NEGR1: variants seen among roughly 807,000 people sequenced by gnomAD.
The protein encoded by NEGR1 is neuronal growth regulator 1.
A neutral mutation model predicts 40.9 loss-of-function variants in NEGR1; 10 were observed. That is an observed-to-expected ratio of 0.24 (90% confidence interval 0.15 to 0.42). The LOEUF is 0.42. NEGR1 is among the 10% of genes least tolerant of loss of function. The probability of loss-of-function intolerance (pLI) is 1.00; values close to 1 mark genes in which losing one functional copy is unlikely to be tolerated. For synonymous variants in NEGR1, 185 were observed against 166.8 expected (o/e 1.11, Z -0.84); for missense variants, 352 against 438.9 (o/e 0.80, Z 1.77).
chr1:71,414,654 C>T (rs961143927), intron 6 of NEGR1, among the ~76,000 whole-genome samples: 2 of 152,158 alleles, frequency 1.3e-5, no homozygotes, highest in African/African-American at 2.4e-5. Context: ...TGTTGCACAG[C>T]GATTTCTAGG....
At chr1:72,204,164 C>T (rs1236093532) in intron 1 of NEGR1, among the ~76,000 whole-genome samples, 4 of 152,028 alleles carry the variant, frequency 2.6e-5, no homozygotes, top group African/African-American at 9.7e-5. Context: ...AACAAAGTTA[C>T]ACCGTGACAA....
chr1:71,822,813 A>G (rs1385785413), intron 2 of NEGR1, among the ~76,000 whole-genome samples: 1 of 152,000 alleles, frequency 6.6e-6, no homozygotes, highest in African/African-American at 2.4e-5. Flanking sequence ...CTCCTCTTTT[A>G]CAGCCAAAGA....
chr1:71,707,633 C>A (rs1172588000), intron 3 of NEGR1, among the ~76,000 whole-genome samples: 2 of 152,064 alleles, frequency 1.3e-5, no homozygotes, highest in Admixed American at 1.3e-4. Context: ...GACTATAGAG[C>A]CCCAGGGCTG....
intron 1 of NEGR1, among the ~76,000 whole-genome samples, chr1:72,017,635 T>A (rs79518859): frequency 6.6e-6 from 1 of 152,086 alleles, no homozygotes; most frequent in African/African-American, 2.4e-5. Context: ...TTAAGACAGA[T>A]GTAGTTGGTC....
At chr1:71,853,365 T>C (rs1486240877) in intron 2 of NEGR1, among the ~76,000 whole-genome samples, 2 of 152,124 alleles carry the variant, frequency 1.3e-5, no homozygotes. Context: ...CGTAAAGAGA[T>C]GACATATAGG....
intron 1 of NEGR1, among the ~76,000 whole-genome samples, chr1:72,121,008 T>A (rs1267676643): frequency 2.0e-5 from 3 of 152,274 alleles, no homozygotes; most frequent in African/African-American, 7.2e-5. Context: ...CACTTTTATG[T>A]AGATTGACTC....
chr1:71,691,142 T>A (rs909195080), intron 4 of NEGR1, among the ~76,000 whole-genome samples: 2 of 151,932 alleles, frequency 1.3e-5, no homozygotes, highest in Non-Finnish European at 2.9e-5. Flanking sequence ...CTTGGCACAC[T>A]AGTCATTAAT....
intron 6 of NEGR1, among the ~76,000 whole-genome samples, chr1:71,440,452 A>T (rs1378605265): frequency 2.0e-5 from 3 of 152,242 alleles, no homozygotes; most frequent in African/African-American, 7.2e-5. Flanking sequence ...TTTTCAAGAC[A>T]TAAAACTGGC....
At chr1:71,825,217 A>G (rs1358536553) in intron 2 of NEGR1, among the ~76,000 whole-genome samples, 1 of 151,884 alleles carries the variant, frequency 6.6e-6, no homozygotes, top group Non-Finnish European at 1.5e-5. Flanking sequence ...TGTGGTTTCA[A>G]TTTGCATTTT....
intron 1 of NEGR1, among the ~76,000 whole-genome samples, chr1:71,935,524 AGT>A (rs3061582): frequency 0.31 from 46,630 of 149,056 alleles, 9,413 homozygotes; most frequent in African/African-American, 0.57. Flanking sequence ...TTAAGTGTGT[AGT>A]GTGTGTGTGT....
intron 1 of NEGR1, among the ~76,000 whole-genome samples, chr1:72,175,697 CAT>C (rs1055137581): frequency 5.3e-5 from 8 of 151,596 alleles, no homozygotes; most frequent in Non-Finnish European, 5.9e-5. Context: ...AAAAAAAACA[CAT>C]GTGAACACAA....
intron 2 of NEGR1, among the ~76,000 whole-genome samples, chr1:71,928,556 G>A (rs1051700039): frequency 6.2e-5 from 9 of 144,108 alleles, no homozygotes; most frequent in African/African-American, 2.0e-4. Flanking sequence ...ACACATATGT[G>A]TATATATATA....
chr1:71,746,747 C>T (rs1282027591), intron 3 of NEGR1, among the ~76,000 whole-genome samples: 1 of 150,242 alleles, frequency 6.7e-6, no homozygotes. Context: ...CACATGTACA[C>T]ACACACACGC....
At chr1:71,894,414 A>G (rs900641173) in intron 2 of NEGR1, among the ~76,000 whole-genome samples, 2 of 152,162 alleles carry the variant, frequency 1.3e-5, no homozygotes, top group Non-Finnish European at 2.9e-5. Context: ...GCAATTCATA[A>G]TGACAATATT....
At chr1:71,428,608 GTA>G in intron 6 of NEGR1, among the ~76,000 whole-genome samples, 1 of 150,594 alleles carries the variant, frequency 6.6e-6, no homozygotes, top group South Asian at 2.1e-4. Context: ...TCATGTTTAA[GTA>G]TGTTTTAAAA....
At chr1:71,816,798 A>G (rs554432937) in intron 2 of NEGR1, among the ~76,000 whole-genome samples, 2 of 152,030 alleles carry the variant, frequency 1.3e-5, no homozygotes, top group African/African-American at 2.4e-5. Context: ...GAATATTACC[A>G]CGAATAAAAT....
chr1:72,136,592 G>A (rs1351064735), intron 1 of NEGR1, among the ~76,000 whole-genome samples: 1 of 128,688 alleles, frequency 7.8e-6, no homozygotes, highest in South Asian at 2.7e-4. Context: ...ACAGGTCTTA[G>A]CCAGCAAAAA....
intron 2 of NEGR1, among the ~76,000 whole-genome samples, chr1:71,847,176 A>T (rs781758422): frequency 6.6e-6 from 1 of 152,168 alleles, no homozygotes; most frequent in Non-Finnish European, 1.5e-5. Flanking sequence ...ACACTGGGGA[A>T]TAAGGCCTCA....
chr1:71,436,623 A>G (rs1289860366), intron 6 of NEGR1, among the ~76,000 whole-genome samples: 1 of 152,170 alleles, frequency 6.6e-6, no homozygotes, highest in Non-Finnish European at 1.5e-5. Flanking sequence ...TGTAAGTTAC[A>G]TCAAGTGTGT....
Sources: allele counts gnomAD v4.1 joint callset (sites outside exome capture counted in the v4.1 genomes callset), GRCh38; gene constraint gnomAD v4.1.1; transcripts MANE v1.5; gene names NCBI Gene and HGNC (gene_info 2026-07-23, HGNC 2026-07-21).